LGALS3BP: variants seen among roughly 807,000 people sequenced by gnomAD.
LGALS3BP encodes galectin-3-binding protein.
Under a neutral mutation model 22.9 loss-of-function variants are expected in LGALS3BP, and 25 were observed. The ratio of observed to expected loss-of-function variants is 1.09; its 90% CI spans 0.80 to 1.53. The LOEUF (loss-of-function observed/expected upper bound fraction) is 1.53. Ranked by LOEUF, LGALS3BP falls within the 40% of genes most tolerant of loss-of-function variation. The pLI is 0.00. For synonymous variants in LGALS3BP, 335 were observed against 331.1 expected (o/e 1.01, Z -0.13); for missense variants, 718 against 752.0 (o/e 0.95, Z 0.53).
rs574367436 is a variant in LGALS3BP at position 78,972,831 on chromosome 17, C to T, written c.630-127G>A. ...GTGAGCATGCGTGTGTGTGCAACTG[C>T]GTGAGTGCATGTGTGACTGCGTGTG... is the stretch of plus-strand genomic sequence containing the variant. On this transcript the variant is annotated intron_variant, in intron 5 of 5. Transcript: ENST00000262776. This position sits in a 1 kb window ranked among gnomAD's most constrained non-coding sequence, Gnocchi z 5.1. The T allele has an allele frequency of 2.6e-5, 37 of 1,424,532 alleles. No homozygotes were observed. The highest frequency in any genetic ancestry group is 3.8e-4 in the Middle Eastern group (2 of 5,264). 88.2% of individuals were successfully genotyped at this position (1,424,532 alleles called of 1,614,324 possible).
At chr17:78,975,886 G>A (rs1041687802) in intron 3 of LGALS3BP, 79 bp downstream of exon 3, 13 of 965,752 alleles carry the variant, frequency 1.3e-5, no homozygotes, top group Admixed American at 3.1e-5. Flanking sequence ...TGACTGTTTC[G>A]TCTTAGGGGA....
At chr17:78,978,253 C>T (rs1254148591) in intron 1 of LGALS3BP, among the ~76,000 whole-genome samples, 1 of 152,206 alleles carries the variant, frequency 6.6e-6, no homozygotes, top group Non-Finnish European at 1.5e-5. Flanking sequence ...CTGGCCTTGC[C>T]CTAGCCCCTC....
At chr17:78,975,724 G>A (rs1006257350) in intron 3 of LGALS3BP, among the ~76,000 whole-genome samples, 7 of 148,902 alleles carry the variant, frequency 4.7e-5, no homozygotes, top group Middle Eastern at 3.4e-3. Flanking sequence ...CTCAGGAGGC[G>A]GAGGTTGCAG....
chr17:78,975,786 C>T (rs180875444), intron 3 of LGALS3BP, among the ~76,000 whole-genome samples, 179 bp downstream of exon 3: 1,596 of 92,812 alleles, frequency 0.017, 38 homozygotes, highest in African/African-American at 0.073. Context: ...AGCGAGACTC[C>T]ATCTCAAAAA....
chr17:78,973,249 C>A lies in LGALS3BP; in HGVS notation c.377-27G>T. The stretch of plus-strand genomic sequence containing the variant: ...TAAGAAGGGGCGGGAGGGAAGTGGG[C>A]TGCGTTAGGAGCCGGGGCACTGCCA... On this transcript the variant is annotated intron_variant, in intron 4 of 5. Coordinates refer to ENST00000262776, the MANE Select transcript of LGALS3BP (RefSeq NM_005567.4). The surrounding 1 kb of genome is among the most constrained non-coding windows in gnomAD (Gnocchi z 5.8). 1 of 1,485,614 alleles carries A rather than the reference C, an allele frequency of 6.7e-7. No individual in the cohort carries two copies. The allele number at this position is 1,485,614 out of a possible 1,614,324, so 92.0% of individuals were successfully genotyped here.
chr17:78,971,726 A>G lies in LGALS3BP; in HGVS notation c.1608T>C (p.Asp536=), dbSNP rs781596934. The G allele has an allele frequency of 6.2e-7, 1 of 1,613,996 alleles. No individual in the cohort carries two copies. Among genetic ancestry groups the G allele is most frequent in the East Asian group, 2.2e-5 (1 of 44,868 alleles). ...GAATCGCAGCCTTCCAGCCCTCGAA[A>G]TCGGTGACGTCTGCCACGAAGAGCC... ...CEGLFVADVT[D]FEGWKAAIPS... Residue 536 remains aspartate, a synonymous_variant, in exon 6 of 6, where the codon GAT becomes GAC. Coordinates refer to ENST00000262776, the MANE Select transcript of LGALS3BP (RefSeq NM_005567.4). This position sits in a 1 kb window ranked among gnomAD's most constrained non-coding sequence, Gnocchi z 5.6.
Position 78,976,290 on chromosome 17 carries a change from C to A in LGALS3BP, c.53-134G>T. The A allele has an allele frequency of 1.4e-6, 1 of 730,244 alleles. No homozygotes were observed. The highest frequency in any genetic ancestry group is 2.1e-6 in the Non-Finnish European group (1 of 465,588). The allele number at this position is 730,244 out of a possible 1,614,324, so 45.2% of individuals were successfully genotyped here. Reference sequence around the variant, plus strand: ...GGGCTTCAAGGTCCCCTGGCCTCTCCATGAGGGGCACCTCCATGAGGGAGG... The same window carrying A: ...GGGCTTCAAGGTCCCCTGGCCTCTCAATGAGGGGCACCTCCATGAGGGAGG... On this transcript the variant is annotated intron_variant, in intron 2 of 5. Coordinates refer to ENST00000262776, the MANE Select transcript of LGALS3BP (RefSeq NM_005567.4). The surrounding 1 kb of genome is among the most constrained non-coding windows in gnomAD (Gnocchi z 4.6).
chr17:78,978,319 G>T (rs1439907939), intron 1 of LGALS3BP, among the ~76,000 whole-genome samples: 1 of 152,246 alleles, frequency 6.6e-6, no homozygotes, highest in African/African-American at 2.4e-5. Flanking sequence ...TGGCTGGTGA[G>T]CAGCTTTGCT....
At chr17:78,974,911 C>T (rs2070707363) in intron 3 of LGALS3BP, 92 bp from the exon 4 acceptor site, 17 of 1,511,574 alleles carry the variant, frequency 1.1e-5, no homozygotes, top group South Asian at 2.5e-5. Context: ...CCGCCCCGGC[C>T]GTGTGGGTCC....
rs781375645 is a variant in LGALS3BP, at chr17:78,972,114, C to T, written c.1220G>A (p.Arg407Gln). 22 of 1,613,204 alleles carry T rather than the reference C, an allele frequency of 1.4e-5. No homozygotes were observed. Among genetic ancestry groups the T allele is most frequent in the South Asian group, 3.3e-5 (3 of 91,070 alleles). The change falls in exon 6 of 6, where the codon CGG becomes CAG. Residue 407 changes from arginine to glutamine, a missense_variant. Coordinates refer to ENST00000262776, the MANE Select transcript of LGALS3BP (RefSeq NM_005567.4). The surrounding 1 kb of genome is among the most constrained non-coding windows in gnomAD (Gnocchi z 5.1). ...LNLTEDTYKP[R>Q]IYTSPTWSAF... is the part of the protein sequence containing the mutation. ...ACTCCAGGTGGGCGAGGTGTAAATC[C>T]GGGGCTTGTAGGTATCCTCGGTGAG...
chr17:78,974,977 G>T, intron 3 of LGALS3BP, 158 bp from the exon 4 acceptor site: 1 of 925,380 alleles, frequency 1.1e-6, no homozygotes, highest in Non-Finnish European at 1.6e-6. Flanking sequence ...GCATGGGCTG[G>T]ATTTGTGATT....
In LGALS3BP at chr17:78,971,720, C is replaced by G; in HGVS notation, c.1614G>C (p.Glu538Asp). 6.2e-7 allele frequency: 1 copy of G among 1,614,054 alleles called. No individual in the cohort carries two copies. The highest frequency in any genetic ancestry group is 8.5e-7 in the Non-Finnish European group (1 of 1,180,040). The stretch of plus-strand genomic sequence containing the variant: ...CACTGGGAATCGCAGCCTTCCAGCC[C>G]TCGAAATCGGTGACGTCTGCCACGA... ...GLFVADVTDF[E>D]GWKAAIPSAL... Residue 538 changes from glutamate (E) to aspartate (D), a missense_variant, in exon 6 of 6, where the codon GAG (glutamate) becomes GAC (aspartate). Coordinates refer to ENST00000262776, the MANE Select transcript of LGALS3BP (RefSeq NM_005567.4). The surrounding 1 kb of genome is among the most constrained non-coding windows in gnomAD (Gnocchi z 5.6).
rs759219585 is a variant in LGALS3BP, at chr17:78,971,465, T to G, written c.*111A>C. 4.1e-6 allele frequency: 4 copies of G among 980,466 alleles called. No individual in the cohort carries two copies. The highest frequency in any genetic ancestry group is 2.8e-5 in the Admixed American group (1 of 36,046). The allele number at this position is 980,466 out of a possible 1,614,324, so 60.7% of individuals were successfully genotyped here. A position where few individuals can be genotyped will look rare whatever the true frequency, so the allele number is the denominator to read the frequency against. On this transcript the variant is annotated 3_prime_UTR_variant, in exon 6 of 6. Coordinates refer to ENST00000262776, the MANE Select transcript of LGALS3BP (RefSeq NM_005567.4). This position sits in a 1 kb window ranked among gnomAD's most constrained non-coding sequence, Gnocchi z 5.6. ...GCGCTCAGGTGAGTAGGGCGACATC[T>G]GGTGGCCGGTTGTTGAAGGTCATTG...
chr17:78,975,484 C>T (rs1272098071), intron 3 of LGALS3BP, among the ~76,000 whole-genome samples: 1 of 152,124 alleles, frequency 6.6e-6, no homozygotes, highest in Non-Finnish European at 1.5e-5. Context: ...GAACTTGATC[C>T]GCAGGCCTTC....
rs761946377 is a variant in LGALS3BP at position 78,971,566 on chromosome 17, G to T, written c.*10C>A. 3 of 1,607,496 alleles carry T rather than the reference G, an allele frequency of 1.9e-6. No homozygotes were observed. The East Asian group carries it at 6.7e-5, about 36-fold the overall frequency. On this transcript the variant is annotated 3_prime_UTR_variant, in exon 6 of 6. Coordinates refer to ENST00000262776, the MANE Select transcript of LGALS3BP (RefSeq NM_005567.4). The surrounding 1 kb of genome is among the most constrained non-coding windows in gnomAD (Gnocchi z 5.6). ...GTTCTCCGGTTCTCACCACCCTTGGGCCACGCCGTCTAGTCCACACCTGAG... is the reference window on the plus strand; with the variant it reads ...GTTCTCCGGTTCTCACCACCCTTGGTCCACGCCGTCTAGTCCACACCTGAG...
In LGALS3BP at chr17:78,971,848, A is replaced by G. The variant is rs761360882; in HGVS notation, c.1486T>C (p.Cys496Arg). ...IQSCWNYGFS[C>R]SSDELPVLGL... ...AGGACAGGGAGCTCGTCCGAGGAGCAGGAGAAGCCGTAGTTCCAGCAGCTC... is the reference window on the plus strand; with the variant it reads ...AGGACAGGGAGCTCGTCCGAGGAGCGGGAGAAGCCGTAGTTCCAGCAGCTC... Residue 496 changes from cysteine (C) to arginine (R), a missense_variant, in exon 6 of 6, where the codon TGC becomes CGC. Cys to Arg is a radical substitution (Grantham distance 180). Coordinates refer to ENST00000262776, the MANE Select transcript of LGALS3BP (RefSeq NM_005567.4). The surrounding 1 kb of genome is among the most constrained non-coding windows in gnomAD (Gnocchi z 5.6). 1 of 1,614,164 alleles carries G rather than the reference A, an allele frequency of 6.2e-7. No individual in the cohort carries two copies. Among genetic ancestry groups the G allele is most frequent in the East Asian group, 2.2e-5 (1 of 44,884 alleles).
chr17:78,971,954 G>A lies in LGALS3BP; in HGVS notation c.1380C>T (p.Ser460=), dbSNP rs375418696. The A allele has an allele frequency of 9.9e-6, 16 of 1,614,026 alleles. No individual in the cohort carries two copies. The highest frequency in any genetic ancestry group is 1.3e-5 in the Non-Finnish European group (15 of 1,180,038). ...AGCTGGGGTGTTGTGGAGTCTGGAA[G>A]GACTGGTAGGGGTAGTATCTGTAGT... ...PSDYRYYPYQ[S]FQTPQHPSFL... is the part of the protein sequence containing the mutation. Residue 460 remains serine (S), a synonymous_variant, in exon 6 of 6, where the codon TCC becomes TCT. Transcript: ENST00000262776. This position sits in a 1 kb window ranked among gnomAD's most constrained non-coding sequence, Gnocchi z 5.6.
In LGALS3BP at chr17:78,976,018, G is replaced by A; in HGVS notation, c.191C>T (p.Ala64Val). ...DLTDASVVCRALGFENATQAL... is the reference protein window; with the variant it reads ...DLTDASVVCRVLGFENATQAL... ...CTGGGTGGCGTTCTCGAAGCCCAGG[G>A]CCCGGCAGACGACGCTGGCATCAGT... is the stretch of plus-strand genomic sequence containing the variant. Residue 64 changes from alanine to valine, a missense_variant, in exon 3 of 6, where the codon GCC (alanine) becomes GTC (valine). Transcript: ENST00000262776. This position sits in a 1 kb window ranked among gnomAD's most constrained non-coding sequence, Gnocchi z 4.6. 1 of 1,612,692 alleles carries A rather than the reference G, an allele frequency of 6.2e-7. No individual in the cohort carries two copies. Among genetic ancestry groups the A allele is most frequent in the Non-Finnish European group, 8.5e-7 (1 of 1,179,854 alleles).
chr17:78,971,688 T>G lies in LGALS3BP; in HGVS notation c.1646A>C (p.Asp549Ala), dbSNP rs148696353. ...GGAGGTGCTCTTCGAGCTGTTGGTG[T>G]CCAGGGCACTGGGAATCGCAGCCTT... ...GWKAAIPSAL[D>A]TNSSKSTSSF... Residue 549 changes from aspartate to alanine, a missense_variant, in exon 6 of 6, where the codon GAC (aspartate) becomes GCC (alanine). Coordinates refer to ENST00000262776, the MANE Select transcript of LGALS3BP (RefSeq NM_005567.4). This position sits in a 1 kb window ranked among gnomAD's most constrained non-coding sequence, Gnocchi z 5.6. The G allele has an allele frequency of 1.2e-3, 1,992 of 1,613,750 alleles. 1 individual carries two copies. Among genetic ancestry groups the G allele is most frequent in the Non-Finnish European group, 1.6e-3 (1,914 of 1,180,024 alleles).
Sources: allele counts gnomAD v4.1 joint callset (sites outside exome capture counted in the v4.1 genomes callset), GRCh38; gene constraint gnomAD v4.1.1; non-coding constraint Gnocchi (gnomAD v3.1); transcripts MANE v1.5; gene names NCBI Gene and HGNC (gene_info 2026-07-23, HGNC 2026-07-21).